Variants in TBC1D12 observed in about 807,000 individuals in gnomAD.
TBC1D12 encodes TBC1 domain family member 12, also known as TBC1 domain family, member 12.
A neutral mutation model predicts 86.7 loss-of-function variants in TBC1D12; 56 were observed. That is an observed-to-expected ratio of 0.65 (90% confidence interval 0.52 to 0.81). The LOEUF is 0.81. Among genes scored for constraint, TBC1D12 ranks in the 30% least tolerant of loss-of-function variants. The pLI, the probability that TBC1D12 is intolerant of heterozygous loss-of-function variation, is 0.00. For synonymous variants in TBC1D12, 421 were observed against 411.7 expected (o/e 1.02, Z -0.27); for missense variants, 1,023 against 1,038.8 (o/e 0.98, Z 0.21).
chr10:94,492,992 T>C (rs2056266131), intron 3 of TBC1D12, among the ~76,000 whole-genome samples: 1 of 152,180 alleles, frequency 6.6e-6, no homozygotes, highest in Admixed American at 6.5e-5. Context: ...GCTCAGTGGC[T>C]CACACCTGTA....
At chr10:94,488,036 T>C (rs1486158917) in intron 3 of TBC1D12, among the ~76,000 whole-genome samples, 2 of 152,210 alleles carry the variant, frequency 1.3e-5, no homozygotes, top group South Asian at 2.1e-4. Context: ...TTACTGCCTA[T>C]GTCTTGAAAA....
At chr10:94,521,010 C>G (rs1389465550) in intron 9 of TBC1D12, among the ~76,000 whole-genome samples, 1 of 152,112 alleles carries the variant, frequency 6.6e-6, no homozygotes, top group East Asian at 1.9e-4. Context: ...TTATACAAAT[C>G]TCTTCTAGAA....
At chr10:94,403,619 C>T (rs747678380) in intron 1 of TBC1D12, 35 bp downstream of exon 1, 1 of 1,406,920 alleles carries the variant, frequency 7.1e-7, no homozygotes, top group Non-Finnish European at 9.2e-7. Context: ...CGGGGCGGGT[C>T]CGGGGCCGGG....
At chr10:94,438,637 G>C (rs1328921958) in intron 1 of TBC1D12, among the ~76,000 whole-genome samples, 1 of 152,102 alleles carries the variant, frequency 6.6e-6, no homozygotes, top group African/African-American at 2.4e-5. Context: ...GGTGGTGGTT[G>C]TGAGGAATAG....
chr10:94,431,641 T>C (rs2055217375), intron 1 of TBC1D12, among the ~76,000 whole-genome samples: 1 of 152,132 alleles, frequency 6.6e-6, no homozygotes, highest in East Asian at 1.9e-4. Context: ...ACATTGTGGA[T>C]CAAAAGATGT....
chr10:94,412,620 T>C (rs1484434961), intron 1 of TBC1D12, among the ~76,000 whole-genome samples: 1 of 152,228 alleles, frequency 6.6e-6, no homozygotes, highest in African/African-American at 2.4e-5. Context: ...TTTAAGTCCA[T>C]GAAATGTTTA....
chr10:94,441,567 A>G (rs1167613547), intron 1 of TBC1D12, among the ~76,000 whole-genome samples: 1 of 152,058 alleles, frequency 6.6e-6, no homozygotes, highest in East Asian at 1.9e-4. Context: ...TAATACCTCT[A>G]TATAAGCCAG....
intron 11 of TBC1D12, among the ~76,000 whole-genome samples, chr10:94,523,192 C>CAA (rs33935088): frequency 0.22 from 9,583 of 43,136 alleles, 1,511 homozygotes; most frequent in South Asian, 0.35. Flanking sequence ...AACTCTATCT[C>CAA]AAAAAAAAAA....
rs541390902 is a variant in TBC1D12 at position 94,529,246 on chromosome 10, G to A, written c.2001-1956G>A. 5.9e-5 allele frequency among the ~76,000 whole-genome samples: 9 copies of A among 152,236 alleles called. No individual in the cohort carries two copies. In the East Asian group the frequency reaches 1.6e-3, roughly 26 times the overall value. ...TGGCCTTGAACTCCTGGATGCAAGC[G>A]ATCCTCCCACATTGGCCTCCCAAAG... On this transcript the variant is annotated intron_variant, in intron 11 of 12. Coordinates refer to ENST00000225235, the MANE Select transcript of TBC1D12 (RefSeq NM_015188.2).
chr10:94,406,362 C>T (rs2054854064), intron 1 of TBC1D12, among the ~76,000 whole-genome samples: 1 of 152,130 alleles, frequency 6.6e-6, no homozygotes, highest in African/African-American at 2.4e-5. Context: ...CCTCATTTTT[C>T]CTGATAGAGG....
intron 1 of TBC1D12, among the ~76,000 whole-genome samples, chr10:94,424,097 G>T (rs2055116567): frequency 6.6e-6 from 1 of 152,152 alleles, no homozygotes; most frequent in Non-Finnish European, 1.5e-5. Flanking sequence ...ATGTGTATAG[G>T]TTATATGCAA....
Position 94,533,022 on chromosome 10 carries a change from T to C in TBC1D12, c.2260-6T>C. On this transcript the variant is annotated splice_region_variant and splice_polypyrimidine_tract_variant and intron_variant, in intron 12 of 12. Transcript: ENST00000225235. ...AGGATTAATCTTTATTTTATATAAT[T>C]TTCAGGTCTTTGCATCTGTAATGAA... is the stretch of plus-strand genomic sequence containing the variant. The C allele has an allele frequency of 1.3e-6, 2 of 1,515,048 alleles. No homozygotes were observed. Among genetic ancestry groups the C allele is most frequent in the Non-Finnish European group, 1.8e-6 (2 of 1,105,446 alleles). The allele number at this position is 1,515,048 out of a possible 1,614,324, so 93.9% of individuals were successfully genotyped here.
intron 2 of TBC1D12, among the ~76,000 whole-genome samples, chr10:94,444,705 A>G (rs1293270929): frequency 2.0e-5 from 3 of 148,308 alleles, no homozygotes; most frequent in Non-Finnish European, 3.0e-5. Context: ...TGCTATTTTC[A>G]TTTCGGAAAG....
At chr10:94,485,411 C>T (rs190531842) in intron 3 of TBC1D12, among the ~76,000 whole-genome samples, 44 of 152,222 alleles carry the variant, frequency 2.9e-4, no homozygotes, top group Non-Finnish European at 2.9e-5. Context: ...TTGAAATATA[C>T]TTACATTCCA....
intron 2 of TBC1D12, among the ~76,000 whole-genome samples, chr10:94,464,234 T>G (rs1010099049): frequency 2.6e-5 from 4 of 152,352 alleles, no homozygotes; most frequent in Non-Finnish European, 5.9e-5. Flanking sequence ...TGTCATTTAC[T>G]GTCATTATTG....
At position 94,497,218 on chromosome 10, in the gene TBC1D12, CTCA is replaced by C. The variant is rs751017667; in HGVS notation, c.1412+48_1412+50del. On this transcript the variant is annotated intron_variant, in intron 5 of 12. Transcript: ENST00000225235. ...TAAATTCCCATTTGTCTCCGAAGAT[CTCA>C]TGTTTCTTTTTTTTTTTTTAATTTA... 7 of 1,088,856 alleles carry C rather than the reference CTCA, an allele frequency of 6.4e-6. No homozygotes were observed. The African/African-American group carries it at 8.4e-5, about 13-fold the overall frequency. 67.4% of individuals were successfully genotyped at this position (1,088,856 alleles called of 1,614,324 possible).
At chr10:94,421,358 T>C (rs1451557950) in intron 1 of TBC1D12, among the ~76,000 whole-genome samples, 2 of 152,260 alleles carry the variant, frequency 1.3e-5, no homozygotes, top group Non-Finnish European at 2.9e-5. Flanking sequence ...AATGACAGAA[T>C]TTCCTAATTT....
intron 2 of TBC1D12, among the ~76,000 whole-genome samples, chr10:94,451,135 A>G (rs921412234): frequency 1.3e-5 from 2 of 152,070 alleles, no homozygotes; most frequent in Non-Finnish European, 2.9e-5. Flanking sequence ...TTGAATGACC[A>G]TAGTTACCAA....
At chr10:94,531,914 A>ATGTTATGTTATGTTATT (rs1341164453) in intron 12 of TBC1D12, among the ~76,000 whole-genome samples, 2 of 150,874 alleles carry the variant, frequency 1.3e-5, no homozygotes, top group Admixed American at 6.6e-5. Flanking sequence ...ATGTTATTTT[A>ATGTTATGTTATGTTATT]TTGTCACCCA....
Sources: gnomAD v4.1 joint callset for allele counts (sites outside exome capture counted in the v4.1 genomes callset) on GRCh38, gnomAD v4.1.1 for gene constraint, MANE v1.5 for transcripts, NCBI Gene and HGNC (gene_info 2026-07-23, HGNC 2026-07-21) for gene names.